POLN: variants seen among roughly 807,000 people sequenced by gnomAD.
POLN encodes the protein DNA polymerase nu, also known as DNA polymerase N.
A neutral mutation model predicts 113.5 loss-of-function variants in POLN; 108 were observed. The observed-to-expected ratio is 0.95, with a 90% CI of 0.81 to 1.12. The LOEUF is 1.12. Ranked by LOEUF, POLN falls within the 50% of genes most tolerant of loss-of-function variation. POLN has a pLI of 0.00. For synonymous variants in POLN, 386 were observed against 391.5 expected (o/e 0.99, Z 0.17); for missense variants, 1,097 against 1,077.1 (o/e 1.02, Z -0.26).
intron 19 of POLN, among the ~76,000 whole-genome samples, chr4:2,112,212 T>C: frequency 6.6e-6 from 1 of 152,236 alleles, no homozygotes. Flanking sequence ...GATCCCTTCC[T>C]TACACCTTAT....
intron 15 of POLN, 134 bp downstream of exon 15, chr4:2,157,724 A>C (rs76887437): frequency 1.4e-4 from 4 of 28,388 alleles, no homozygotes; most frequent in Non-Finnish European, 2.8e-4. Flanking sequence ...CTCTGTCTCA[A>C]AAAAAAAAAA....
At chr4:2,163,697 A>G (rs979738498) in intron 13 of POLN, among the ~76,000 whole-genome samples, 1 of 152,150 alleles carries the variant, frequency 6.6e-6, no homozygotes, top group African/African-American at 2.4e-5. Context: ...CCCCCGCCCA[A>G]TTCTGACTCG....
At chr4:2,223,096 T>C (rs747903207) in intron 3 of POLN, among the ~76,000 whole-genome samples, 1 of 152,164 alleles carries the variant, frequency 6.6e-6, no homozygotes, top group Non-Finnish European at 1.5e-5. Context: ...ATGTGATACA[T>C]TGCAAGAAAT....
chr4:2,205,320 G>A (rs1178880296), intron 5 of POLN, among the ~76,000 whole-genome samples: 6 of 152,178 alleles, frequency 3.9e-5, no homozygotes, highest in Middle Eastern at 3.4e-3. Context: ...ATCAAATCAA[G>A]AACTCAACCC....
At chr4:2,177,217 A>G in intron 8 of POLN, 1 of 441,560 alleles carries the variant, frequency 2.3e-6, no homozygotes, top group Non-Finnish European at 4.5e-6. Context: ...TACCCCCAGG[A>G]CAGGCCCAGC....
chr4:2,213,842 C>CA (rs950025098), intron 3 of POLN, among the ~76,000 whole-genome samples: 5 of 152,070 alleles, frequency 3.3e-5, no homozygotes, highest in Non-Finnish European at 5.9e-5. Context: ...ATATAGATCA[C>CA]AAAATGTTTA....
chr4:2,131,313 T>C (rs534088673), intron 16 of POLN, 23 bp from the exon 17 acceptor site: 2 of 1,494,204 alleles, frequency 1.3e-6, no homozygotes, highest in South Asian at 2.3e-5. Flanking sequence ...AGAGACTAGC[T>C]TTAGTTAAAA....
At chr4:2,180,970 G>C (rs1358353688) in intron 7 of POLN, among the ~76,000 whole-genome samples, 1 of 151,546 alleles carries the variant, frequency 6.6e-6, no homozygotes, top group Non-Finnish European at 1.5e-5. Context: ...AGGTGACTTA[G>C]AAAAAGAAAA....
intron 7 of POLN, among the ~76,000 whole-genome samples, chr4:2,187,352 TC>T (rs1278802676): frequency 2.0e-5 from 3 of 152,184 alleles, no homozygotes; most frequent in Middle Eastern, 3.2e-3. Context: ...AAAGTGATTC[TC>T]CTGTCTCAGC....
At chr4:2,102,028 C>T (rs1421940380) in intron 19 of POLN, among the ~76,000 whole-genome samples, 1 of 152,158 alleles carries the variant, frequency 6.6e-6, no homozygotes, top group African/African-American at 2.4e-5. Flanking sequence ...AAGTTCCCCA[C>T]TCTCCAGCCA....
intron 16 of POLN, among the ~76,000 whole-genome samples, chr4:2,154,137 G>T (rs1213240289): frequency 2.9e-5 from 4 of 135,918 alleles, no homozygotes; most frequent in African/African-American, 1.1e-4. Context: ...GGCAGAGCTT[G>T]CAGTGAGCTG....
intron 16 of POLN, among the ~76,000 whole-genome samples, chr4:2,143,384 G>A (rs998243996): frequency 2.6e-5 from 4 of 152,054 alleles, no homozygotes; most frequent in African/African-American, 9.7e-5. Flanking sequence ...CAGACCCTAA[G>A]ACATCAAAAG....
chr4:2,147,931 C>A (rs1476945260), intron 16 of POLN, among the ~76,000 whole-genome samples: 1 of 152,122 alleles, frequency 6.6e-6, no homozygotes, highest in Non-Finnish European at 1.5e-5. Flanking sequence ...GCATGAGCCA[C>A]CGTGCCCAGC....
At chr4:2,114,905 T>G (rs1216022657) in intron 19 of POLN, among the ~76,000 whole-genome samples, 1 of 151,950 alleles carries the variant, frequency 6.6e-6, no homozygotes, top group East Asian at 1.9e-4. Context: ...GCACAGATCT[T>G]GGATTCTTTG....
intron 19 of POLN, among the ~76,000 whole-genome samples, chr4:2,105,202 C>T (rs1402859651): frequency 6.6e-6 from 1 of 152,220 alleles, no homozygotes; most frequent in African/African-American, 2.4e-5. Context: ...CCCACTGGGA[C>T]TCCCACGTCT....
chr4:2,154,744 T>G (rs908035370), intron 16 of POLN, among the ~76,000 whole-genome samples: 1 of 152,220 alleles, frequency 6.6e-6, no homozygotes, highest in East Asian at 1.9e-4. Flanking sequence ...TATGATAAAG[T>G]ACAGGTATGT....
At chr4:2,078,653 A>G (rs1011746854) in intron 23 of POLN, 8 of 985,414 alleles carry the variant, frequency 8.1e-6, no homozygotes, top group Non-Finnish European at 8.4e-6. Context: ...GACGCCATCC[A>G]CAGCCTTTCA....
In POLN at chr4:2,193,422, T is replaced by A. The variant is rs536393928; in HGVS notation, c.909-106A>T. 4.6e-6 allele frequency: 3 copies of A among 653,936 alleles called. No homozygotes were observed. In the African/African-American group the frequency reaches 5.8e-5, roughly 13 times the overall value. 40.5% of individuals were successfully genotyped at this position (653,936 alleles called of 1,614,324 possible). On this transcript the variant is annotated intron_variant, in intron 6 of 25. Transcript: ENST00000511885. The stretch of plus-strand genomic sequence containing the variant: ...TAACAGCTATCACTTAGATAGCACA[T>A]ACACACATTCACTAAAGAATTCCAA...
At chr4:2,165,593 C>T (rs559421817) in intron 13 of POLN, among the ~76,000 whole-genome samples, 78 of 151,928 alleles carry the variant, frequency 5.1e-4, no homozygotes, top group Non-Finnish European at 7.8e-4. Context: ...TGTGTAACTA[C>T]GGACTCTGGG....
Sources: gnomAD v4.1 joint callset for allele counts (sites outside exome capture counted in the v4.1 genomes callset) on GRCh38, gnomAD v4.1.1 for gene constraint, MANE v1.5 for transcripts, NCBI Gene and HGNC (gene_info 2026-07-23, HGNC 2026-07-21) for gene names.